The following TENM2 variants were observed in gnomAD, a reference collection of about 807,000 sequenced individuals.
The protein encoded by TENM2 is teneurin transmembrane protein 2.
In TENM2, 52 loss-of-function variants were observed where a neutral mutation model predicts 245.2. The ratio of observed to expected loss-of-function variants is 0.21; its 90% CI spans 0.17 to 0.27. TENM2 has a LOEUF of 0.27. TENM2 is among the 10% of genes least tolerant of loss of function. The pLI is 1.00. For missense variants in TENM2, 3,046 were observed against 3,666.8 expected, an observed-to-expected ratio of 0.83 and a Z score of 4.37; for synonymous variants, 1,363 against 1,438.9, an observed-to-expected ratio of 0.95 and a Z score of 1.19.
At chr5:167,996,543 C>G (rs976367640) in intron 5 of TENM2, among the ~76,000 whole-genome samples, 3 of 152,172 alleles carry the variant, frequency 2.0e-5, no homozygotes, top group African/African-American at 7.2e-5. Context: ...CAGGTACTTT[C>G]ATTACCTGCA....
rs189198782 is a variant in TENM2 at position 168,167,100 on chromosome 5, C to A, written c.2569+4343C>A. On this transcript the variant is annotated intron_variant, in intron 13 of 28. Transcript: ENST00000518659. Reference sequence around the variant, plus strand: ...GAGAGATCTTCACTTGAACTGCTCACCCCAATTTGAAAAAGAAGAGACTCA... The same window carrying A: ...GAGAGATCTTCACTTGAACTGCTCAACCCAATTTGAAAAAGAAGAGACTCA... Among the ~76,000 whole-genome samples the A allele has an allele frequency of 2.2e-3, 331 of 152,118 alleles. 4 individuals carry two copies. The highest frequency in any genetic ancestry group is 0.02 in the Admixed American group (298 of 15,268).
chr5:168,097,331 A>C (rs759537755), intron 8 of TENM2, among the ~76,000 whole-genome samples: 4 of 152,208 alleles, frequency 2.6e-5, no homozygotes, highest in Non-Finnish European at 5.9e-5. Flanking sequence ...GGTTGTGGGT[A>C]CAGTGTTTAA....
chr5:167,973,874 T>G (rs1425599151), intron 4 of TENM2, among the ~76,000 whole-genome samples: 3 of 151,660 alleles, frequency 2.0e-5, no homozygotes, highest in Non-Finnish European at 4.4e-5. Flanking sequence ...CCAAAAGGGA[T>G]GTACACAAAG....
intron 12 of TENM2, among the ~76,000 whole-genome samples, chr5:168,132,512 G>A (rs1014200540): frequency 1.3e-5 from 2 of 152,194 alleles, no homozygotes; most frequent in Admixed American, 1.3e-4. Context: ...CGTACTCTGC[G>A]CTGTTCCCTT....
At chr5:167,511,945 A>G (rs1769983684) in intron 2 of TENM2, among the ~76,000 whole-genome samples, 1 of 152,208 alleles carries the variant, frequency 6.6e-6, no homozygotes, top group Non-Finnish European at 1.5e-5. Flanking sequence ...AAGCAGTCTT[A>G]GAAAGTCATT....
At chr5:167,882,834 C>T (rs762910077) in intron 3 of TENM2, among the ~76,000 whole-genome samples, 3 of 152,144 alleles carry the variant, frequency 2.0e-5, no homozygotes, top group Non-Finnish European at 4.4e-5. Context: ...GGAACACAGC[C>T]AAACCATATC....
At chr5:167,497,408 G>T (rs79854656) in intron 2 of TENM2, among the ~76,000 whole-genome samples, 4 of 151,930 alleles carry the variant, frequency 2.6e-5, no homozygotes, top group Non-Finnish European at 4.4e-5. Flanking sequence ...CCTTTCTAAG[G>T]TACCTCAATA....
the TENM2 span, among the ~76,000 whole-genome samples, chr5:167,022,728 T>A: frequency 6.6e-6 from 1 of 152,230 alleles, no homozygotes; most frequent in African/African-American, 2.4e-5. Context: ...TGCCCCTCCC[T>A]TTATGGAGCA....
intron 2 of TENM2, among the ~76,000 whole-genome samples, chr5:167,506,231 A>T (rs1398969425): frequency 1.3e-5 from 2 of 152,236 alleles, no homozygotes; most frequent in Non-Finnish European, 2.9e-5. Flanking sequence ...ATGTTCTAAC[A>T]AAGTATTTTT....
intron 2 of TENM2, among the ~76,000 whole-genome samples, chr5:167,599,747 T>C (rs909020938): frequency 7.9e-5 from 12 of 152,136 alleles, no homozygotes; most frequent in Admixed American, 6.6e-5. Flanking sequence ...GATTTGGTGA[T>C]TTTTTAGAAA....
At chr5:167,508,390 G>A (rs2127565673) in intron 2 of TENM2, among the ~76,000 whole-genome samples, 1 of 152,304 alleles carries the variant, frequency 6.6e-6, no homozygotes, top group South Asian at 2.1e-4. Context: ...ATGCGCCACA[G>A]TCCTGTGATT....
At chr5:166,988,857 C>G in the TENM2 span, among the ~76,000 whole-genome samples, 1 of 152,140 alleles carries the variant, frequency 6.6e-6, no homozygotes, top group Non-Finnish European at 1.5e-5. Flanking sequence ...CGGTCCCTGG[C>G]TCACCATTGA....
At chr5:167,668,787 T>A (rs1755742036) in intron 2 of TENM2, among the ~76,000 whole-genome samples, 1 of 152,042 alleles carries the variant, frequency 6.6e-6, no homozygotes, top group Non-Finnish European at 1.5e-5. Flanking sequence ...AAACCTCATC[T>A]CTATAAAAAT....
intron 13 of TENM2, among the ~76,000 whole-genome samples, chr5:168,168,914 G>A (rs1403807455): frequency 6.6e-6 from 1 of 152,106 alleles, no homozygotes; most frequent in Non-Finnish European, 1.5e-5. Context: ...AACATTTGTT[G>A]AGGGTTTACT....
chr5:167,155,628 C>A, the TENM2 span, among the ~76,000 whole-genome samples: 17 of 152,130 alleles, frequency 1.1e-4, no homozygotes, highest in African/African-American at 3.9e-4. Context: ...AGAGCCGTGG[C>A]GTAGTGTTCC....
the TENM2 span, among the ~76,000 whole-genome samples, chr5:167,032,502 A>G: frequency 1.5e-4 from 23 of 152,332 alleles, no homozygotes; most frequent in Middle Eastern, 3.4e-3. Flanking sequence ...AGCACTTTTT[A>G]TAGTTCACAA....
intron 4 of TENM2, among the ~76,000 whole-genome samples, chr5:167,979,826 C>T (rs1782701603): frequency 6.6e-6 from 1 of 152,048 alleles, no homozygotes; most frequent in Non-Finnish European, 1.5e-5. Context: ...AAAAAATAAC[C>T]GTGTGTAGGA....
At chr5:167,843,231 G>A (rs1422391848) in intron 2 of TENM2, among the ~76,000 whole-genome samples, 1 of 152,138 alleles carries the variant, frequency 6.6e-6, no homozygotes, top group Non-Finnish European at 1.5e-5. Flanking sequence ...ATACGTTTAA[G>A]CCCAATAAAA....
the TENM2 span, among the ~76,000 whole-genome samples, chr5:167,109,530 A>G: frequency 2.0e-5 from 3 of 152,226 alleles, no homozygotes; most frequent in Admixed American, 6.5e-5. Flanking sequence ...CCCTTTAAAT[A>G]CAACTCACTT....
Sources: allele counts gnomAD v4.1 joint callset (sites outside exome capture counted in the v4.1 genomes callset), GRCh38; gene constraint gnomAD v4.1.1; transcripts MANE v1.5; gene names NCBI Gene and HGNC (gene_info 2026-07-23, HGNC 2026-07-21).